Variants in KCNQ1 observed in about 807,000 individuals in gnomAD.
KCNQ1 encodes the protein potassium voltage-gated channel subfamily KQT member 1.
In KCNQ1, 49 loss-of-function variants were observed where a neutral mutation model predicts 72.4. That is an observed-to-expected ratio of 0.68 (90% CI 0.54 to 0.86). KCNQ1 has a LOEUF of 0.86. KCNQ1 is among the 40% of genes least tolerant of loss of function. The pLI, the probability that KCNQ1 is intolerant of heterozygous loss-of-function variation, is 0.00. For missense variants in KCNQ1, 790 were observed against 945.1 expected (o/e 0.84, Z 2.15); for synonymous variants, 450 against 412.6 (o/e 1.09, Z -1.10).
At chr11:2,681,928 G>C (rs1049883126) in intron 11 of KCNQ1, 25 of 398,592 alleles carry the variant, frequency 6.3e-5, no homozygotes, top group African/African-American at 4.7e-4. Context: ...TTAGGCTGAA[G>C]AATAATCTTC....
chr11:2,821,839 C>T (rs1847743793), intron 15 of KCNQ1, among the ~76,000 whole-genome samples: 2 of 152,200 alleles, frequency 1.3e-5, no homozygotes, highest in Non-Finnish European at 2.9e-5. Context: ...TCTGCACACC[C>T]CCACCCCAGC....
intron 15 of KCNQ1, chr11:2,840,143 T>G (rs1259628855): frequency 6.7e-6 from 1 of 148,558 alleles, no homozygotes; most frequent in Non-Finnish European, 1.5e-5. Context: ...AATTAACACA[T>G]TTTGTATGCT....
At chr11:2,791,397 A>T (rs1206667141) in intron 15 of KCNQ1, among the ~76,000 whole-genome samples, 3 of 152,164 alleles carry the variant, frequency 2.0e-5, no homozygotes, top group African/African-American at 7.2e-5. Context: ...AACCTCAGAA[A>T]AACATGTATT....
rs138316266 is a variant in KCNQ1, at chr11:2,562,975, C to T, written c.478-7653C>T. On this transcript the variant is annotated intron_variant, in intron 2 of 15. Transcript: ENST00000155840. The surrounding 1 kb of genome is among the most constrained non-coding windows in gnomAD (Gnocchi z 7.5). Reference sequence around the variant, plus strand: ...GTAATATCAGAGACACTAAAGTCCTCGCGATAAGGGTCTGCGAGGCTTCCT... The same window carrying T: ...GTAATATCAGAGACACTAAAGTCCTTGCGATAAGGGTCTGCGAGGCTTCCT... Among the ~76,000 whole-genome samples, 12 of 152,254 alleles carry T rather than the reference C, an allele frequency of 7.9e-5. No individual in the cohort carries two copies. The highest frequency in any genetic ancestry group is 2.6e-4 in the Admixed American group (4 of 15,290).
chr11:2,469,242 G>T (rs934943474), intron 1 of KCNQ1, among the ~76,000 whole-genome samples: 1 of 151,836 alleles, frequency 6.6e-6, no homozygotes. Context: ...AAACGTGGGT[G>T]GTTTTTCATT....
chr11:2,843,583 C>A (rs551727701), intron 15 of KCNQ1, among the ~76,000 whole-genome samples: 1 of 152,392 alleles, frequency 6.6e-6, no homozygotes, highest in East Asian at 1.9e-4. Flanking sequence ...GCCTCTCCCG[C>A]CTGTCCCTGG....
rs1846888945 is a variant in KCNQ1, at chr11:2,785,178, T to C, written c.1794+7141T>C. Among the ~76,000 whole-genome samples the C allele has an allele frequency of 6.6e-6, 1 of 152,016 alleles. No homozygotes were observed. Among genetic ancestry groups the C allele is most frequent in the African/African-American group, 2.4e-5 (1 of 41,462 alleles). On this transcript the variant is annotated intron_variant, in intron 15 of 15. Coordinates refer to ENST00000155840, the MANE Select transcript of KCNQ1 (RefSeq NM_000218.3). The surrounding 1 kb of genome is among the most constrained non-coding windows in gnomAD (Gnocchi z 4.4). ...AGAATATTTCCTTCTATTTTTAGTG[T>C]GTTGAGAGCTCTCATTATGAATGGA...
chr11:2,571,595 G>A (rs529477513), intron 4 of KCNQ1, among the ~76,000 whole-genome samples, 192 bp downstream of exon 4: 6 of 152,252 alleles, frequency 3.9e-5, no homozygotes, highest in South Asian at 4.1e-4. Flanking sequence ...TGGAGGGCAC[G>A]GCTCAACCCA....
rs1057389334 is a variant in KCNQ1 at position 2,827,198 on chromosome 11, TG to T, written c.1795-20567del. ...GGCAGGTGGGAGAAGGGGAGGTTCT[TG>T]GTTCAGCTGCTGCTGAGACAGTGAC... On this transcript the variant is annotated intron_variant, in intron 15 of 15. Coordinates refer to ENST00000155840, the MANE Select transcript of KCNQ1 (RefSeq NM_000218.3). The surrounding 1 kb of genome is among the most constrained non-coding windows in gnomAD (Gnocchi z 6.7). Among the ~76,000 whole-genome samples, 2 of 152,146 alleles carry T rather than the reference TG, an allele frequency of 1.3e-5. No individual in the cohort carries two copies. The highest frequency in any genetic ancestry group is 4.8e-5 in the African/African-American group (2 of 41,424).
rs1225181115 is a variant in KCNQ1 at position 2,571,390 on chromosome 11, A to G, written c.670A>G (p.Thr224Ala). Residue 224 changes from threonine (T) to alanine (A), a missense_variant, in exon 4 of 16, where the codon ACG (threonine) becomes GCG (alanine). Thr to Ala is a moderately conservative substitution (Grantham distance 58). Coordinates refer to ENST00000155840, the MANE Select transcript of KCNQ1 (RefSeq NM_000218.3). ...CVGSKGQVFA[T>A]SAIRGIRFLQ... The stretch of plus-strand genomic sequence containing the variant: ...GGGCTCCAAGGGGCAGGTGTTTGCC[A>G]CGTCGGCCATCAGGTGCGTCTGTGC... The G allele has an allele frequency of 6.2e-7, 1 of 1,611,796 alleles. No individual in the cohort carries two copies. Among genetic ancestry groups the G allele is most frequent in the African/African-American group, 1.3e-5 (1 of 74,878 alleles).
intron 11 of KCNQ1, chr11:2,684,113 A>G (rs231356): frequency 3.3e-4 from 130 of 398,458 alleles, no homozygotes; most frequent in Non-Finnish European, 5.3e-4. Flanking sequence ...TTTCACATAG[A>G]TTCTTAAGGG....
At position 2,602,275 on chromosome 11, in the gene KCNQ1, T is replaced by TGA. The variant is rs1171071133; in HGVS notation, c.1393+13424_1393+13425dup. ...TTCAGACTTCTGGCCTCTAGAACTG[T>TGA]GAGAAAAAAAAAAAAAGCGTGTCTT... On this transcript the variant is annotated intron_variant, in intron 10 of 15. Transcript: ENST00000155840. The surrounding 1 kb of genome is among the most constrained non-coding windows in gnomAD (Gnocchi z 4.8). 7.5e-5 allele frequency among the ~76,000 whole-genome samples: 11 copies of TGA among 147,420 alleles called. No individual in the cohort carries two copies. In the East Asian group the frequency reaches 2.0e-3, roughly 27 times the overall value.
chr11:2,552,813 G>A (rs1031581147), intron 2 of KCNQ1, among the ~76,000 whole-genome samples: 5 of 151,760 alleles, frequency 3.3e-5, no homozygotes, highest in Non-Finnish European at 7.4e-5. Context: ...TCCGATCCAC[G>A]AACACTGTCT....
chr11:2,659,842 A>G lies in KCNQ1; in HGVS notation c.1394-2119A>G, dbSNP rs151215. Reference sequence around the variant, plus strand: ...TTGCATTTCCATATTTATGTTAATTATGTATCTTTTCATGTGCTTATTTAT... The same window carrying G: ...TTGCATTTCCATATTTATGTTAATTGTGTATCTTTTCATGTGCTTATTTAT... On this transcript the variant is annotated intron_variant, in intron 10 of 15. Transcript: ENST00000155840. This position sits in a 1 kb window ranked among gnomAD's most constrained non-coding sequence, Gnocchi z 4.3. The G allele has an allele frequency of 0.24, 96,979 of 398,078 alleles. 12,527 individuals carry two copies. The highest frequency in any genetic ancestry group is 0.37 in the African/African-American group (18,171 of 48,552). 24.7% of individuals were successfully genotyped at this position (398,078 alleles called of 1,614,324 possible).
chr11:2,583,137 G>C (rs1848528794), intron 6 of KCNQ1, among the ~76,000 whole-genome samples: 1 of 152,110 alleles, frequency 6.6e-6, no homozygotes, highest in Non-Finnish European at 1.5e-5. Context: ...GAGGCAGCCG[G>C]TGTGGGGCGA....
At chr11:2,648,975 C>CT (rs1849710100) in intron 10 of KCNQ1, 4 of 336,654 alleles carry the variant, frequency 1.2e-5, no homozygotes, top group African/African-American at 9.5e-5. Flanking sequence ...TCTCTTTTTT[C>CT]TTTTTCTTTT....
intron 11 of KCNQ1, chr11:2,665,276 C>G (rs1850045882): frequency 2.5e-6 from 1 of 398,396 alleles, no homozygotes; most frequent in African/African-American, 2.1e-5. Context: ...GAGCCTGTGT[C>G]TCCCACCCAG....
rs1178362342 is a variant in KCNQ1, at chr11:2,710,536, A to C, written c.1514+48455A>C. 6.6e-6 allele frequency among the ~76,000 whole-genome samples: 1 copy of C among 152,194 alleles called. No individual in the cohort carries two copies. Among genetic ancestry groups the C allele is most frequent in the Non-Finnish European group, 1.5e-5 (1 of 68,030 alleles). On this transcript the variant is annotated intron_variant, in intron 11 of 15. Coordinates refer to ENST00000155840, the MANE Select transcript of KCNQ1 (RefSeq NM_000218.3). This position sits in a 1 kb window ranked among gnomAD's most constrained non-coding sequence, Gnocchi z 4.1. ...GGATGCTTATGTTTTTGGTGTCATA[A>C]CTAAATAACAACATGTAATCTGAGG...
intron 2 of KCNQ1, among the ~76,000 whole-genome samples, chr11:2,554,789 AT>A (rs1848043736): frequency 6.6e-6 from 1 of 152,228 alleles, no homozygotes. Context: ...CTAAAACAAC[AT>A]ACATCCTTCT....
Sources: allele counts gnomAD v4.1 joint callset (sites outside exome capture counted in the v4.1 genomes callset), GRCh38; gene constraint gnomAD v4.1.1; non-coding constraint Gnocchi (gnomAD v3.1); transcripts MANE v1.5; gene names NCBI Gene and HGNC (gene_info 2026-07-23, HGNC 2026-07-21).